The following FTO variants were observed in gnomAD, a reference collection of about 807,000 sequenced individuals.
FTO encodes the protein alpha-ketoglutarate-dependent dioxygenase FTO.
Under a neutral mutation model 63.9 loss-of-function variants are expected in FTO, and 47 were observed. The observed-to-expected ratio is 0.74, with a 90% CI of 0.58 to 0.94. FTO has a LOEUF of 0.94. Ranked by LOEUF, FTO falls within the 40% of genes least tolerant of loss-of-function variation. The pLI is 0.00. For missense variants in FTO, 562 were observed against 618.1 expected, an observed-to-expected ratio of 0.91 and a Z score of 0.96; for synonymous variants, 207 against 224.4, an observed-to-expected ratio of 0.92 and a Z score of 0.69.
chr16:53,979,166 A>G (rs1010685322), intron 8 of FTO, among the ~76,000 whole-genome samples: 1 of 152,220 alleles, frequency 6.6e-6, no homozygotes, highest in Non-Finnish European at 1.5e-5. Context: ...ATTTATTTTT[A>G]TCATATCTCT....
At chr16:53,838,730 TCA>T (rs2079379143) in intron 3 of FTO, among the ~76,000 whole-genome samples, 1 of 151,732 alleles carries the variant, frequency 6.6e-6, no homozygotes, top group South Asian at 2.1e-4. Context: ...TCCCCACCAC[TCA>T]GGAGGCTGAG....
chr16:53,784,160 CT>C (rs1210887921), intron 1 of FTO, among the ~76,000 whole-genome samples: 1 of 152,190 alleles, frequency 6.6e-6, no homozygotes, highest in African/African-American at 2.4e-5. Flanking sequence ...TTCATAGCAT[CT>C]TTCATATCCT....
At chr16:54,094,113 C>A (rs1400554533) in intron 8 of FTO, among the ~76,000 whole-genome samples, 2 of 152,176 alleles carry the variant, frequency 1.3e-5, no homozygotes, top group African/African-American at 4.8e-5. Flanking sequence ...TGACACTCCA[C>A]CAGCCCGTTG....
chr16:53,719,268 T>A (rs1276809218), intron 1 of FTO, among the ~76,000 whole-genome samples: 5 of 30,752 alleles, frequency 1.6e-4, no homozygotes, highest in Non-Finnish European at 2.9e-4. Context: ...TTTTTTTTTT[T>A]TTTTTTTGAG....
At chr16:53,943,022 G>A (rs1199077489) in intron 8 of FTO, among the ~76,000 whole-genome samples, 2 of 152,168 alleles carry the variant, frequency 1.3e-5, no homozygotes, top group African/African-American at 2.4e-5. Context: ...TGCCATCCGG[G>A]TCTTTTTTAA....
At chr16:53,853,114 G>A (rs550628840) in intron 4 of FTO, among the ~76,000 whole-genome samples, 7 of 152,250 alleles carry the variant, frequency 4.6e-5, no homozygotes, top group African/African-American at 1.2e-4. Context: ...CCAACATGGC[G>A]AAACCCCATC....
chr16:54,039,275 T>C (rs1337628676), intron 8 of FTO: 1 of 152,252 alleles, frequency 6.6e-6, no homozygotes, highest in African/African-American at 2.4e-5. Context: ...TATAATGTTT[T>C]GTGAACTTTG....
chr16:54,079,783 T>C (rs1410999423), intron 8 of FTO, among the ~76,000 whole-genome samples: 1 of 152,194 alleles, frequency 6.6e-6, no homozygotes, highest in Non-Finnish European at 1.5e-5. Context: ...CCAGTTACCG[T>C]CATGGCAGAG....
At chr16:53,940,933 A>G (rs2082514471) in intron 8 of FTO, among the ~76,000 whole-genome samples, 1 of 152,164 alleles carries the variant, frequency 6.6e-6, no homozygotes. Context: ...CACTCTGGAC[A>G]TCTTTGTTAA....
At chr16:54,093,019 T>G (rs2086428807) in intron 8 of FTO, among the ~76,000 whole-genome samples, 1 of 152,190 alleles carries the variant, frequency 6.6e-6, no homozygotes, top group Admixed American at 6.5e-5. Context: ...CCTTTCCCCA[T>G]ACATTTGAAC....
intron 2 of FTO, among the ~76,000 whole-genome samples, chr16:53,816,553 C>T (rs1262791972): frequency 2.0e-5 from 3 of 150,124 alleles, no homozygotes; most frequent in Non-Finnish European, 4.4e-5. Flanking sequence ...CTGGAATAAA[C>T]CAAGCTCACT....
At chr16:53,779,084 G>C (rs2077528464) in intron 1 of FTO, among the ~76,000 whole-genome samples, 1 of 151,980 alleles carries the variant, frequency 6.6e-6, no homozygotes, top group Non-Finnish European at 1.5e-5. Flanking sequence ...TTGTTTGTTT[G>C]CTTGCTTGTT....
At chr16:53,960,228 C>A (rs1438110009) in intron 8 of FTO, among the ~76,000 whole-genome samples, 1 of 152,088 alleles carries the variant, frequency 6.6e-6, no homozygotes, top group South Asian at 2.1e-4. Context: ...GGTTACTAAC[C>A]CTGTGACAGT....
chr16:54,009,794 A>G (rs2084296059), intron 8 of FTO, among the ~76,000 whole-genome samples: 1 of 152,042 alleles, frequency 6.6e-6, no homozygotes, highest in Non-Finnish European at 1.5e-5. Flanking sequence ...TCAGCAAGTC[A>G]TCTCCTTTCC....
chr16:53,934,246 C>A, intron 8 of FTO, 137 bp downstream of exon 8: 1 of 859,652 alleles, frequency 1.2e-6, no homozygotes, highest in Non-Finnish European at 1.9e-6. Context: ...ATGCTTTCAG[C>A]TAAAGTTAGC....
intron 8 of FTO, among the ~76,000 whole-genome samples, chr16:53,962,447 C>T (rs2083103863): frequency 1.3e-5 from 2 of 152,116 alleles, no homozygotes; most frequent in African/African-American, 4.8e-5. Flanking sequence ...CACCTCCCTA[C>T]TAGGAAACAG....
At chr16:53,842,799 G>A (rs144122759) in intron 3 of FTO, among the ~76,000 whole-genome samples, 2 of 152,054 alleles carry the variant, frequency 1.3e-5, no homozygotes, top group East Asian at 1.9e-4. Context: ...TCAGCCTCCT[G>A]AGTAGCTGGA....
At chr16:53,863,507 A>G (rs1160272116) in intron 4 of FTO, among the ~76,000 whole-genome samples, 2 of 152,216 alleles carry the variant, frequency 1.3e-5, no homozygotes, top group African/African-American at 4.8e-5. Flanking sequence ...GGATGCTTGC[A>G]GTATGAGCAA....
At chr16:53,934,609 AG>A (rs1406691388) in intron 8 of FTO, among the ~76,000 whole-genome samples, 4 of 152,162 alleles carry the variant, frequency 2.6e-5, no homozygotes, top group Admixed American at 2.6e-4. Flanking sequence ...TTGATGACAT[AG>A]CCTACTATAC....
Sources: gnomAD v4.1 joint callset for allele counts (sites outside exome capture counted in the v4.1 genomes callset) on GRCh38, gnomAD v4.1.1 for gene constraint, MANE v1.5 for transcripts, NCBI Gene and HGNC (gene_info 2026-07-23, HGNC 2026-07-21) for gene names.